The following TNNI3K variants were observed in gnomAD, a reference collection of about 807,000 sequenced individuals.
TNNI3K encodes the protein TNNI3 interacting kinase.
TNNI3K carries 140 observed loss-of-function variants against 114.5 expected under a neutral mutation model. The observed-to-expected ratio is 1.22, with a 90% CI of 1.07 to 1.41. TNNI3K has a LOEUF of 1.41. TNNI3K is among the 40% of genes most tolerant of loss of function. The pLI is 0.00. For synonymous variants in TNNI3K, 347 were observed against 347.5 expected (o/e 1.00, Z 0.02); for missense variants, 1,125 against 1,007.6 (o/e 1.12, Z -1.58).
rs1185536190 is a variant in TNNI3K at position 74,278,530 on chromosome 1, T to C, written c.444+6822T>C. 3.9e-5 allele frequency among the ~76,000 whole-genome samples: 6 copies of C among 152,320 alleles called. No homozygotes were observed. The South Asian group carries it at 8.3e-4, about 21-fold the overall frequency. On this transcript the variant is annotated intron_variant, in intron 5 of 24. Transcript: ENST00000326637. Reference sequence around the variant, plus strand: ...CACATTAAGATATTCTGGTGCCTTTTTGTATGGTCCCCATTCTTTTGGGCT... The same window carrying C: ...CACATTAAGATATTCTGGTGCCTTTCTGTATGGTCCCCATTCTTTTGGGCT...
chr1:74,510,512 A>C (rs1419962333), intron 23 of TNNI3K, among the ~76,000 whole-genome samples: 1 of 152,188 alleles, frequency 6.6e-6, no homozygotes, highest in Non-Finnish European at 1.5e-5. Flanking sequence ...CGTCTCAAAA[A>C]AGAATAAAAT....
At chr1:74,467,476 AG>A (rs1171193157) in intron 21 of TNNI3K, among the ~76,000 whole-genome samples, 1 of 151,944 alleles carries the variant, frequency 6.6e-6, no homozygotes, top group African/African-American at 2.4e-5. Context: ...AGATGGGAGA[AG>A]GTTGGAAAAC....
intron 16 of TNNI3K, 27 bp from the exon 17 acceptor site, chr1:74,370,261 T>C (rs1360452196): frequency 1.7e-5 from 26 of 1,545,690 alleles, no homozygotes; most frequent in Non-Finnish European, 2.3e-5. Context: ...CCATTTCATC[T>C]CTGTTAAATC....
At chr1:74,512,858 A>G (rs1355977588) in intron 23 of TNNI3K, among the ~76,000 whole-genome samples, 1 of 152,176 alleles carries the variant, frequency 6.6e-6, no homozygotes, top group Non-Finnish European at 1.5e-5. Context: ...CTCACTCTAC[A>G]AGGAAAACTT....
intron 23 of TNNI3K, among the ~76,000 whole-genome samples, chr1:74,537,017 G>T (rs1157403339): frequency 1.3e-5 from 2 of 152,142 alleles, no homozygotes; most frequent in Non-Finnish European, 2.9e-5. Flanking sequence ...ACCTGGCATG[G>T]GTAGCTTCCA....
At chr1:74,516,354 T>C (rs1423081428) in intron 23 of TNNI3K, among the ~76,000 whole-genome samples, 1 of 151,978 alleles carries the variant, frequency 6.6e-6, no homozygotes, top group African/African-American at 2.4e-5. Flanking sequence ...ATGATGAAAA[T>C]AAAGGAAAAA....
intron 5 of TNNI3K, among the ~76,000 whole-genome samples, chr1:74,326,559 G>C (rs1172595822): frequency 6.6e-6 from 1 of 152,116 alleles, no homozygotes; most frequent in Non-Finnish European, 1.5e-5. Context: ...TTTACCTGGA[G>C]TCAAAACTTC....
chr1:74,451,591 T>C (rs956363160), intron 20 of TNNI3K, among the ~76,000 whole-genome samples: 1 of 151,546 alleles, frequency 6.6e-6, no homozygotes, highest in African/African-American at 2.4e-5. Context: ...TTTTCTTCCT[T>C]CCTTCCTTTC....
At chr1:74,338,897 C>T (rs989304518) in intron 7 of TNNI3K, among the ~76,000 whole-genome samples, 11 of 152,076 alleles carry the variant, frequency 7.2e-5, no homozygotes, top group African/African-American at 2.4e-4. Flanking sequence ...AATGCTGTTC[C>T]TTGGACCTTG....
chr1:74,309,318 G>A lies in TNNI3K; in HGVS notation c.445-22132G>A, dbSNP rs1252739834. Among the ~76,000 whole-genome samples the A allele has an allele frequency of 8.9e-4, 105 of 118,640 alleles. 1 individual carries two copies. Among genetic ancestry groups the A allele is most frequent in the Non-Finnish European group, 1.5e-3 (93 of 61,504 alleles). The allele number at this position is 118,640 out of a possible 152,430, so 77.8% of individuals were successfully genotyped here. A position where few individuals can be genotyped will look rare whatever the true frequency, so the allele number is the denominator to read the frequency against. On this transcript the variant is annotated intron_variant, in intron 5 of 24. Transcript: ENST00000326637. ...CAGGGGGCGGAGCCTGCAGTGAGCC[G>A]AGATTGCGCCACTGCACTCCAGCCT...
intron 17 of TNNI3K, among the ~76,000 whole-genome samples, chr1:74,411,689 A>G (rs1001033093): frequency 2.0e-5 from 3 of 152,216 alleles, no homozygotes; most frequent in Admixed American, 6.5e-5. Flanking sequence ...AAAAGATAGT[A>G]AGATAGATAA....
chr1:74,393,206 T>C (rs1359494982), intron 17 of TNNI3K, among the ~76,000 whole-genome samples: 1 of 151,948 alleles, frequency 6.6e-6, no homozygotes, highest in African/African-American at 2.4e-5. Flanking sequence ...CTCAGATCAT[T>C]AAAGCAGTGG....
At chr1:74,333,456 C>T (rs1193480388) in intron 6 of TNNI3K, among the ~76,000 whole-genome samples, 4 of 152,176 alleles carry the variant, frequency 2.6e-5, no homozygotes, top group African/African-American at 7.2e-5. Context: ...TCCTCTTTGA[C>T]GATTAACCTC....
chr1:74,244,053 T>G (rs1470944147), intron 2 of TNNI3K, among the ~76,000 whole-genome samples: 1 of 152,152 alleles, frequency 6.6e-6, no homozygotes, highest in Non-Finnish European at 1.5e-5. Context: ...CTTAAATATC[T>G]TGAATATTTT....
chr1:74,489,160 G>A (rs200314135), intron 21 of TNNI3K, 29 bp from the exon 22 acceptor site: 3 of 1,591,920 alleles, frequency 1.9e-6, no homozygotes, highest in Non-Finnish European at 2.6e-6. Context: ...TTATTCTTAA[G>A]GGAAAAAAGT....
At chr1:74,301,078 C>T (rs1015872822) in intron 5 of TNNI3K, among the ~76,000 whole-genome samples, 4 of 152,084 alleles carry the variant, frequency 2.6e-5, no homozygotes, top group African/African-American at 7.2e-5. Context: ...AAAATACATA[C>T]ACATATTTCT....
At chr1:74,463,748 T>C (rs1249738118) in intron 21 of TNNI3K, among the ~76,000 whole-genome samples, 198 bp downstream of exon 21, 1 of 152,226 alleles carries the variant, frequency 6.6e-6, no homozygotes, top group Non-Finnish European at 1.5e-5. Flanking sequence ...TTTCTGATTT[T>C]GAAACGTTTC....
rs1409030164 is a variant in TNNI3K at position 74,439,620 on chromosome 1, C to T, written c.2009C>T (p.Pro670Leu). ...GAAATTCCATTCGCTCATCTCAAGC[C>T]AGGTAAGACACACTGCAATTGAAGT... Reference protein sequence around the residue: ...TGEIPFAHLKPAAAAADMAYH... With the variant: ...TGEIPFAHLKLAAAAADMAYH... The change falls in exon 20 of 25, where the codon CCA (proline) becomes CTA (leucine). Residue 670 changes from proline to leucine, a missense_variant and splice_region_variant. Pro to Leu is a moderately conservative substitution (Grantham distance 98). Coordinates refer to ENST00000326637, the MANE Select transcript of TNNI3K (RefSeq NM_015978.3). 1.2e-6 allele frequency: 2 copies of T among 1,613,038 alleles called. No homozygotes were observed. Among genetic ancestry groups the T allele is most frequent in the East Asian group, 2.2e-5 (1 of 44,876 alleles).
intron 5 of TNNI3K, among the ~76,000 whole-genome samples, chr1:74,307,731 A>C (rs941669728): frequency 5.9e-5 from 9 of 152,190 alleles, no homozygotes; most frequent in Non-Finnish European, 1.0e-4. Flanking sequence ...CTGTAATCCC[A>C]GCACTTTGGG....
Sources: gnomAD v4.1 joint callset for allele counts (sites outside exome capture counted in the v4.1 genomes callset) on GRCh38, gnomAD v4.1.1 for gene constraint, MANE v1.5 for transcripts, NCBI Gene and HGNC (gene_info 2026-07-23, HGNC 2026-07-21) for gene names.